CWC27: variants seen among roughly 807,000 people sequenced by gnomAD.
CWC27 encodes the protein spliceosome-associated protein CWC27 homolog.
CWC27 carries 47 observed loss-of-function variants against 63.6 expected under a neutral mutation model. That is an observed-to-expected ratio of 0.74 (90% CI 0.58 to 0.94). The LOEUF (loss-of-function observed/expected upper bound fraction) is 0.94. Among genes scored for constraint, CWC27 ranks in the 40% least tolerant of loss-of-function variants. CWC27 has a pLI of 0.00. For synonymous variants in CWC27, 175 were observed against 179.8 expected, an observed-to-expected ratio of 0.97 and a Z score of 0.22; for missense variants, 495 against 554.3, an observed-to-expected ratio of 0.89 and a Z score of 1.07.
At chr5:64,952,388 T>C (rs932585973) in intron 11 of CWC27, among the ~76,000 whole-genome samples, 1 of 152,004 alleles carries the variant, frequency 6.6e-6, no homozygotes, top group African/African-American at 2.4e-5. Flanking sequence ...TTTTCACTTC[T>C]TAGTGGGCCA....
chr5:64,795,552 G>C lies in CWC27; in HGVS notation c.670-4696G>C, dbSNP rs532131295. 2.6e-5 allele frequency among the ~76,000 whole-genome samples: 4 copies of C among 152,174 alleles called. No individual in the cohort carries two copies. The East Asian group carries it at 7.7e-4, about 29-fold the overall frequency. On this transcript the variant is annotated intron_variant, in intron 7 of 13. Coordinates refer to ENST00000381070, the MANE Select transcript of CWC27 (RefSeq NM_005869.4). Reference sequence around the variant, plus strand: ...TTGCCTTTTTCAACCTCTAGAGACTGCCTGTATTCTTTGGTGTGCCCCTTC... The same window carrying C: ...TTGCCTTTTTCAACCTCTAGAGACTCCCTGTATTCTTTGGTGTGCCCCTTC...
intron 11 of CWC27, among the ~76,000 whole-genome samples, chr5:64,935,052 T>C (rs944298484): frequency 3.2e-4 from 48 of 152,336 alleles, no homozygotes; most frequent in African/African-American, 1.1e-3. Context: ...ATTCTGTAGG[T>C]TGCCTGTTCA....
intron 11 of CWC27, among the ~76,000 whole-genome samples, chr5:64,916,888 G>GTAT (rs201590469): frequency 0.038 from 3,301 of 86,192 alleles, 113 homozygotes; most frequent in African/African-American, 0.11. Flanking sequence ...AGTAGTATTA[G>GTAT]TAGTAGTAGT....
Position 64,783,852 on chromosome 5 carries a change from G to A in CWC27, c.269G>A (p.Arg90Gln), listed in dbSNP as rs751858333. Residue 90 changes from arginine (R) to glutamine (Q), a missense_variant, in exon 4 of 14, where the codon CGG (arginine) becomes CAG (glutamine). Physicochemically the swap from Arg to Gln is conservative, Grantham distance 43. Transcript: ENST00000381070. ...GAPFKDEFHS[R>Q]LRFNRRGLVA... ...ACATTTCAGGATGAATTTCATTCAC[G>A]GTTGCGTTTTAATCGGAGAGGACTG... 2.5e-6 allele frequency: 4 copies of A among 1,577,878 alleles called. No homozygotes were observed. Among genetic ancestry groups the A allele is most frequent in the East Asian group, 2.3e-5 (1 of 42,788 alleles).
chr5:64,846,993 C>CAAAAA (rs35090437), intron 10 of CWC27, among the ~76,000 whole-genome samples: 2 of 86,200 alleles, frequency 2.3e-5, no homozygotes, highest in African/African-American at 4.7e-5. Flanking sequence ...GACTCCATCT[C>CAAAAA]AAAAAAAAAA....
chr5:64,936,580 G>C (rs1748356656), intron 11 of CWC27, among the ~76,000 whole-genome samples: 1 of 151,708 alleles, frequency 6.6e-6, no homozygotes, highest in African/African-American at 2.4e-5. Flanking sequence ...TTGTGTCTCT[G>C]CAGGTTTTGG....
intron 10 of CWC27, among the ~76,000 whole-genome samples, chr5:64,820,353 C>T (rs1282538553): frequency 6.6e-6 from 1 of 152,150 alleles, no homozygotes; most frequent in African/African-American, 2.4e-5. Flanking sequence ...TATTGTACAA[C>T]AGTCTTTATC....
Position 64,840,198 on chromosome 5 carries a change from C to T in CWC27, c.938+35812C>T, listed in dbSNP as rs563966658. Among the ~76,000 whole-genome samples, 10 of 151,010 alleles carry T rather than the reference C, an allele frequency of 6.6e-5. No individual in the cohort carries two copies. In the South Asian group the frequency reaches 1.9e-3, roughly 29 times the overall value. On this transcript the variant is annotated intron_variant, in intron 10 of 13. Transcript: ENST00000381070. ...GTGAGCACTGCAGAAGCTGAGATGA[C>T]GAAGACCAACAGCAGGAGCCAGACA...
intron 10 of CWC27, among the ~76,000 whole-genome samples, chr5:64,845,344 A>G (rs1745947752): frequency 6.6e-6 from 1 of 152,218 alleles, no homozygotes; most frequent in Admixed American, 6.5e-5. Context: ...AACAAAAGAA[A>G]TCCCAAAAGA....
chr5:64,795,092 CTTTTGAGACTAAAGTAAGGATG>C (rs1744221220), intron 7 of CWC27, among the ~76,000 whole-genome samples: 1 of 152,112 alleles, frequency 6.6e-6, no homozygotes, highest in Admixed American at 6.6e-5. Context: ...CGTTTCGCCA[CTTTTGAGACTAAAGTAAGGATG>C]TTTTGTCCTA....
chr5:64,800,165 A>G (rs977504131), intron 7 of CWC27, 83 bp from the exon 8 acceptor site: 2 of 914,628 alleles, frequency 2.2e-6, no homozygotes, highest in African/African-American at 3.4e-5. Context: ...TATCATTGCT[A>G]GGTTTTATGT....
chr5:64,942,910 A>G (rs1482988564), intron 11 of CWC27, among the ~76,000 whole-genome samples: 2 of 152,228 alleles, frequency 1.3e-5, no homozygotes, highest in Non-Finnish European at 2.9e-5. Context: ...TTGTGTGGTG[A>G]AGAGGCTCAT....
chr5:64,844,882 A>G (rs1254045568), intron 10 of CWC27: 1 of 456,652 alleles, frequency 2.2e-6, no homozygotes, highest in East Asian at 7.0e-5. Flanking sequence ...TCAATTGTGC[A>G]TTTCTAAGGG....
intron 3 of CWC27, among the ~76,000 whole-genome samples, chr5:64,783,217 C>T (rs1024562106): frequency 2.0e-5 from 3 of 152,114 alleles, no homozygotes; most frequent in African/African-American, 7.2e-5. Context: ...ATTCTGTTAA[C>T]TAAGAGACTA....
chr5:64,853,351 A>T (rs1259645724), intron 10 of CWC27, among the ~76,000 whole-genome samples: 2 of 152,226 alleles, frequency 1.3e-5, no homozygotes, highest in Admixed American at 1.3e-4. Context: ...GATGACCAAG[A>T]ATTTAATTCT....
At chr5:65,014,990 A>G (rs1248286561) in intron 13 of CWC27, among the ~76,000 whole-genome samples, 2 of 152,220 alleles carry the variant, frequency 1.3e-5, no homozygotes, top group Non-Finnish European at 2.9e-5. Flanking sequence ...GTTTGTTATT[A>G]ATCAAAATGT....
At chr5:64,779,982 A>G (rs1743605976) in intron 2 of CWC27, among the ~76,000 whole-genome samples, 1 of 152,120 alleles carries the variant, frequency 6.6e-6, no homozygotes, top group Non-Finnish European at 1.5e-5. Flanking sequence ...GCAATGTGGG[A>G]CTGTCAATTA....
chr5:64,887,838 G>C (rs933836138), intron 11 of CWC27, among the ~76,000 whole-genome samples: 2 of 152,024 alleles, frequency 1.3e-5, no homozygotes, highest in South Asian at 2.1e-4. Context: ...AATTTTAAAA[G>C]ATCACAGTAA....
intron 10 of CWC27, among the ~76,000 whole-genome samples, chr5:64,812,992 A>T (rs1744921339): frequency 6.6e-6 from 1 of 152,180 alleles, no homozygotes; most frequent in South Asian, 2.1e-4. Flanking sequence ...AAACAGTCAA[A>T]TATCAGCAAT....
Sources: allele counts gnomAD v4.1 joint callset (sites outside exome capture counted in the v4.1 genomes callset), GRCh38; gene constraint gnomAD v4.1.1; transcripts MANE v1.5; gene names NCBI Gene and HGNC (gene_info 2026-07-23, HGNC 2026-07-21).